The following PCMTD1 variants were observed in gnomAD, a reference collection of about 807,000 sequenced individuals.
PCMTD1 encodes the protein protein-L-isoaspartate (D-aspartate) O-methyltransferase domain containing 1, also known as protein-L-isoaspartate O-methyltransferase domain-containing protein 1.
A neutral mutation model predicts 37.6 loss-of-function variants in PCMTD1; 12 were observed. The ratio of observed to expected loss-of-function variants is 0.32; its 90% CI spans 0.20 to 0.52. The LOEUF (loss-of-function observed/expected upper bound fraction) is 0.52, where lower values mean the gene tolerates loss of function less well. Among genes scored for constraint, PCMTD1 ranks in the 20% least tolerant of loss-of-function variants. The pLI is 0.97. For missense variants in PCMTD1, 235 were observed against 421.3 expected, an observed-to-expected ratio of 0.56 and a Z score of 3.87; for synonymous variants, 117 against 135.8, an observed-to-expected ratio of 0.86 and a Z score of 0.96.
chr8:51,848,376 G>A (rs2038254744), intron 2 of PCMTD1, among the ~76,000 whole-genome samples: 1 of 151,938 alleles, frequency 6.6e-6, no homozygotes, highest in Non-Finnish European at 1.5e-5. Flanking sequence ...ATAGATACGA[G>A]ATCAATTAAA....
intron 2 of PCMTD1, among the ~76,000 whole-genome samples, chr8:51,847,917 T>C (rs1307538726): frequency 3.1e-5 from 2 of 65,204 alleles, no homozygotes; most frequent in Non-Finnish European, 8.0e-5. Flanking sequence ...GTCTCTACAA[T>C]AAACTAAAAA....
At chr8:51,836,853 C>A (rs910901251) in intron 3 of PCMTD1, among the ~76,000 whole-genome samples, 2 of 152,152 alleles carry the variant, frequency 1.3e-5, no homozygotes, top group East Asian at 3.9e-4. Flanking sequence ...GGATTCCAGG[C>A]ATGAGCCACT....
chr8:51,889,656 A>G (rs1218253358), intron 1 of PCMTD1, among the ~76,000 whole-genome samples: 1 of 152,218 alleles, frequency 6.6e-6, no homozygotes, highest in Non-Finnish European at 1.5e-5. Context: ...TACCTCTTTG[A>G]CAAGATGCAA....
At chr8:51,865,680 C>A (rs2038544649) in intron 1 of PCMTD1, among the ~76,000 whole-genome samples, 1 of 151,964 alleles carries the variant, frequency 6.6e-6, no homozygotes, top group African/African-American at 2.4e-5. Context: ...GATACCTCAA[C>A]ATAATAAAGG....
chr8:51,882,392 G>A (rs34058697), intron 1 of PCMTD1, among the ~76,000 whole-genome samples: 27,256 of 152,048 alleles, frequency 0.18, 2,866 homozygotes, highest in Non-Finnish European at 0.23. Context: ...GGGCGGTCAG[G>A]GTTTCAACAC....
chr8:51,846,825 A>G (rs1275574714), intron 2 of PCMTD1, among the ~76,000 whole-genome samples: 1 of 152,248 alleles, frequency 6.6e-6, no homozygotes, highest in African/African-American at 2.4e-5. Context: ...TATCCAAACT[A>G]TAAAAATTTA....
chr8:51,885,635 A>G (rs905991516), intron 1 of PCMTD1, among the ~76,000 whole-genome samples: 1 of 152,212 alleles, frequency 6.6e-6, no homozygotes, highest in Admixed American at 6.5e-5. Context: ...TCATGTAGGC[A>G]TAGGTAGGCA....
rs1245867525 is a variant in PCMTD1, at chr8:51,818,193, A to C, written c.*2158T>G. 5 of 312,192 alleles carry C rather than the reference A, an allele frequency of 1.6e-5. No homozygotes were observed. The highest frequency in any genetic ancestry group is 3.1e-5 in the Non-Finnish European group (5 of 161,346). The allele number at this position is 312,192 out of a possible 1,614,324, so 19.3% of individuals were successfully genotyped here. ...TTCATTTTTCATTTCTACCTCTTAA[A>C]GTCAATGATAAACTCACAAGTGTAA... On this transcript the variant is annotated 3_prime_UTR_variant, in exon 6 of 6. Transcript: ENST00000522514.
rs983104733 is a variant in PCMTD1, at chr8:51,839,303, T to C, written c.411-5614A>G. 1.8e-5 allele frequency: 4 copies of C among 220,000 alleles called. No homozygotes were observed. In the Admixed American group the frequency reaches 2.6e-4, roughly 14 times the overall value. 13.6% of individuals were successfully genotyped at this position (220,000 alleles called of 1,614,324 possible). Reference sequence around the variant, plus strand: ...TCCAATGAATATTCTCAGACTCTCTTAGGCAGATAAGGAAAAGTAATTGAC... The same window carrying C: ...TCCAATGAATATTCTCAGACTCTCTCAGGCAGATAAGGAAAAGTAATTGAC... On this transcript the variant is annotated intron_variant, in intron 3 of 5. Coordinates refer to ENST00000522514, the MANE Select transcript of PCMTD1 (RefSeq NM_052937.4).
chr8:51,877,754 GGAAAAAGATACCTACAGGACACATTA>G (rs1485564700), intron 1 of PCMTD1, among the ~76,000 whole-genome samples: 7 of 152,130 alleles, frequency 4.6e-5, no homozygotes, highest in Admixed American at 3.9e-4. Context: ...AAACTAAGGG[GGAAAAAGATACCTACAGGACACATTA>G]TTGAAAACAA....
At chr8:51,876,853 T>C (rs1027880492) in intron 1 of PCMTD1, among the ~76,000 whole-genome samples, 3 of 152,180 alleles carry the variant, frequency 2.0e-5, no homozygotes, top group Non-Finnish European at 4.4e-5. Flanking sequence ...GAATGGCAAC[T>C]AATAAATGTA....
chr8:51,826,998 T>G lies in PCMTD1; in HGVS notation c.706+4446A>C, dbSNP rs897559872. On this transcript the variant is annotated intron_variant, in intron 5 of 5. Coordinates refer to ENST00000522514, the MANE Select transcript of PCMTD1 (RefSeq NM_052937.4). ...AGATACATTTGGCAAATAATTTATA[T>G]ATATATTATTTTTGGGATTTTTGGA... 3 of 943,198 alleles carry G rather than the reference T, an allele frequency of 3.2e-6. No individual in the cohort carries two copies. In the African/African-American group the frequency reaches 5.3e-5, roughly 17 times the overall value. The allele number at this position is 943,198 out of a possible 1,614,324, so 58.4% of individuals were successfully genotyped here. A position where few individuals can be genotyped will look rare whatever the true frequency, so the allele number is the denominator to read the frequency against.
chr8:51,876,942 T>C (rs1389434861), intron 1 of PCMTD1, among the ~76,000 whole-genome samples: 1 of 152,168 alleles, frequency 6.6e-6, no homozygotes, highest in Non-Finnish European at 1.5e-5. Flanking sequence ...CAGGATTATC[T>C]GCGTAATCTC....
chr8:51,839,825 C>G (rs1209814816), intron 3 of PCMTD1, among the ~76,000 whole-genome samples: 2 of 152,162 alleles, frequency 1.3e-5, no homozygotes, highest in Non-Finnish European at 2.9e-5. Context: ...TCATCCAAAA[C>G]AACCTGCCAA....
At chr8:51,878,369 A>T (rs1278647506) in intron 1 of PCMTD1, among the ~76,000 whole-genome samples, 1 of 151,412 alleles carries the variant, frequency 6.6e-6, no homozygotes, top group Non-Finnish European at 1.5e-5. Context: ...CCCCTGGTGT[A>T]CAGGAAGAAG....
At chr8:51,849,072 G>A (rs1486292117) in intron 2 of PCMTD1, 1 of 152,010 alleles carries the variant, frequency 6.6e-6, no homozygotes, top group Non-Finnish European at 1.5e-5. Flanking sequence ...GTATTAAATA[G>A]AACAACAGGA....
At chr8:51,885,268 G>A (rs923570496) in intron 1 of PCMTD1, among the ~76,000 whole-genome samples, 1 of 152,122 alleles carries the variant, frequency 6.6e-6, no homozygotes, top group African/African-American at 2.4e-5. Flanking sequence ...TGGGGGGCGG[G>A]GAGGATATCT....
intron 3 of PCMTD1, among the ~76,000 whole-genome samples, chr8:51,838,367 T>TCCAA (rs2038097738): frequency 6.6e-6 from 1 of 151,876 alleles, no homozygotes; most frequent in African/African-American, 2.4e-5. Context: ...CACGCGCCTA[T>TCCAA]AGTCCCAGCT....
intron 2 of PCMTD1, among the ~76,000 whole-genome samples, chr8:51,856,515 C>G (rs9643793): frequency 0.69 from 104,609 of 152,128 alleles, 42,414 homozygotes; most frequent in Non-Finnish European, 0.9. Context: ...ATCTACCTAA[C>G]AGAAATGAAA....
Sources: gnomAD v4.1 joint callset for allele counts (sites outside exome capture counted in the v4.1 genomes callset) on GRCh38, gnomAD v4.1.1 for gene constraint, MANE v1.5 for transcripts, NCBI Gene and HGNC (gene_info 2026-07-23, HGNC 2026-07-21) for gene names.